IFT43: variants seen among roughly 807,000 people sequenced by gnomAD.
The protein encoded by IFT43 is intraflagellar transport protein 43 homolog.
A neutral mutation model predicts 32.3 loss-of-function variants in IFT43; 33 were observed. The ratio of observed to expected loss-of-function variants is 1.02; its 90% CI spans 0.77 to 1.37. The LOEUF is 1.37. IFT43 is among the 40% of genes most tolerant of loss of function. The pLI is 0.00. For missense variants in IFT43, 274 were observed against 265.9 expected (o/e 1.03, Z -0.21); for synonymous variants, 93 against 98.2 (o/e 0.95, Z 0.31).
intron 2 of IFT43, among the ~76,000 whole-genome samples, chr14:75,999,369 C>T (rs768679252): frequency 3.1e-4 from 45 of 146,406 alleles, no homozygotes; most frequent in Non-Finnish European, 6.0e-4. Context: ...CTTAAGTGAT[C>T]CTCCTACCTC....
intron 3 of IFT43, among the ~76,000 whole-genome samples, chr14:76,032,393 T>C (rs1433100954): frequency 1.3e-5 from 2 of 152,212 alleles, no homozygotes; most frequent in Non-Finnish European, 2.9e-5. Flanking sequence ...CTCAGAACCC[T>C]GCAGTAGCAT....
At chr14:76,012,609 C>CG (rs1566706783) in intron 2 of IFT43, among the ~76,000 whole-genome samples, 1 of 152,214 alleles carries the variant, frequency 6.6e-6, no homozygotes, top group African/African-American at 2.4e-5. Flanking sequence ...CTGCCCCCTC[C>CG]GTCCATCAGG....
intron 3 of IFT43, among the ~76,000 whole-genome samples, chr14:76,052,569 G>T (rs2036935325): frequency 6.6e-6 from 1 of 152,198 alleles, no homozygotes; most frequent in African/African-American, 2.4e-5. Flanking sequence ...GAGGATCCAA[G>T]ATTCTGCCAT....
rs372647793 is a variant in IFT43 at position 76,083,466 on chromosome 14, C to T, written c.516C>T (p.Val172=). ...APEHEVREDD[V]GWDWDHLFTE... ...GAAACCCTTCTTGGCAGGATGATGTCGGCTGGGACTGGGACCATCTGTTCA... is the reference window on the plus strand; with the variant it reads ...GAAACCCTTCTTGGCAGGATGATGTTGGCTGGGACTGGGACCATCTGTTCA... The change falls in exon 9 of 9, where the codon GTC becomes GTT. Residue 172 remains valine (V), a synonymous_variant. Transcript: ENST00000314067. 90 of 1,614,132 alleles carry T rather than the reference C, an allele frequency of 5.6e-5. No homozygotes were observed. The African/African-American group carries it at 9.7e-4, about 17-fold the overall frequency.
chr14:76,050,058 C>T (rs2036884818), intron 3 of IFT43, among the ~76,000 whole-genome samples: 1 of 152,218 alleles, frequency 6.6e-6, no homozygotes, highest in Non-Finnish European at 1.5e-5. Flanking sequence ...TCAGCCCCTG[C>T]ATGCCTCTGA....
intron 2 of IFT43, among the ~76,000 whole-genome samples, chr14:76,001,706 T>C (rs934904578): frequency 2.0e-5 from 3 of 152,184 alleles, no homozygotes; most frequent in African/African-American, 7.2e-5. Flanking sequence ...GAGTAATTTA[T>C]GAACAAACAG....
At position 76,020,099 on chromosome 14, in the gene IFT43, T is replaced by C. The variant is rs538368513; in HGVS notation, c.148-2228T>C. Among the ~76,000 whole-genome samples the C allele has an allele frequency of 5.8e-4, 89 of 152,146 alleles. 1 individual carries two copies. Among genetic ancestry groups the C allele is most frequent in the Middle Eastern group, 6.8e-3 (2 of 294 alleles). On this transcript the variant is annotated intron_variant, in intron 2 of 8. Coordinates refer to ENST00000314067, the MANE Select transcript of IFT43 (RefSeq NM_001102564.3). ...AAGTGATTCTCCTGCCTCAGCCTCC[T>C]GAGTAGCTAGGATTACAGGCATGCG...
At chr14:76,001,195 G>C (rs997149317) in intron 2 of IFT43, among the ~76,000 whole-genome samples, 1 of 152,198 alleles carries the variant, frequency 6.6e-6, no homozygotes, top group South Asian at 2.1e-4. Context: ...CAGGTTTTAT[G>C]AGTCCTGAAG....
chr14:76,018,931 T>C (rs762862928), intron 2 of IFT43, among the ~76,000 whole-genome samples: 4 of 152,084 alleles, frequency 2.6e-5, no homozygotes, highest in Non-Finnish European at 5.9e-5. Context: ...GTAAGTTTCT[T>C]ATAGGCAGCA....
chr14:76,083,177 T>C, intron 7 of IFT43, 50 bp from the exon 8 acceptor site: 1 of 1,611,028 alleles, frequency 6.2e-7, no homozygotes, highest in African/African-American at 1.3e-5. Flanking sequence ...AAGAGTTGCC[T>C]GAAAGCCCTC....
intron 2 of IFT43, among the ~76,000 whole-genome samples, chr14:75,999,275 A>ATTTTTT (rs1566699717): frequency 5.4e-5 from 1 of 18,396 alleles, no homozygotes. Flanking sequence ...ATATATATGT[A>ATTTTTT]TATATATTTT....
chr14:76,044,075 A>G (rs1315259664), intron 3 of IFT43, among the ~76,000 whole-genome samples: 1 of 149,870 alleles, frequency 6.7e-6, no homozygotes, highest in Non-Finnish European at 1.5e-5. Flanking sequence ...TTTGAAACAG[A>G]GTCTTACTCA....
chr14:75,994,466 T>G (rs904778456), intron 2 of IFT43, among the ~76,000 whole-genome samples: 13 of 152,236 alleles, frequency 8.5e-5, no homozygotes, highest in African/African-American at 2.9e-4. Context: ...TTTACTAGTT[T>G]GGAGTAGATT....
At chr14:76,073,611 G>A (rs886131952) in intron 5 of IFT43, among the ~76,000 whole-genome samples, 1 of 152,164 alleles carries the variant, frequency 6.6e-6, no homozygotes, top group Non-Finnish European at 1.5e-5. Context: ...ATCTCTGTGT[G>A]TGTGTACTTG....
intron 2 of IFT43, among the ~76,000 whole-genome samples, chr14:76,010,248 G>A (rs149787871): frequency 3.3e-5 from 5 of 152,292 alleles, no homozygotes; most frequent in Admixed American, 6.5e-5. Flanking sequence ...TTGAGACCCC[G>A]TGTTTTGGGT....
intron 2 of IFT43, 49 bp downstream of exon 2, chr14:75,989,026 A>T (rs774198422): frequency 1.2e-6 from 2 of 1,605,000 alleles, no homozygotes; most frequent in Admixed American, 1.7e-5. Context: ...TTTAAGAGTT[A>T]GTGATTCCTT....
intron 2 of IFT43, among the ~76,000 whole-genome samples, chr14:76,006,085 CAG>C (rs1232081725): frequency 6.6e-6 from 1 of 151,972 alleles, no homozygotes; most frequent in Non-Finnish European, 1.5e-5. Context: ...GCTATCGAGA[CAG>C]AAAGTGTTCT....
At chr14:76,000,935 T>C (rs975290561) in intron 2 of IFT43, among the ~76,000 whole-genome samples, 2 of 152,186 alleles carry the variant, frequency 1.3e-5, no homozygotes, top group African/African-American at 2.4e-5. Flanking sequence ...TTCAAAGAGG[T>C]CTGCCAAGTT....
At chr14:76,047,970 C>A (rs72725684) in intron 3 of IFT43, among the ~76,000 whole-genome samples, 21,268 of 151,836 alleles carry the variant, frequency 0.14, 1,720 homozygotes, top group Non-Finnish European at 0.19. Context: ...CTGGCCCCTT[C>A]CGTTTGGAGA....
Sources: allele counts gnomAD v4.1 joint callset (sites outside exome capture counted in the v4.1 genomes callset), GRCh38; gene constraint gnomAD v4.1.1; transcripts MANE v1.5; gene names NCBI Gene and HGNC (gene_info 2026-07-23, HGNC 2026-07-21).